Variants in CASD1 observed in about 807,000 individuals in gnomAD.
CASD1 encodes N-acetylneuraminate (7)9-O-acetyltransferase.
Under a neutral mutation model 100.0 loss-of-function variants are expected in CASD1, and 41 were observed. The observed-to-expected ratio is 0.41, with a 90% CI of 0.32 to 0.53. CASD1 has a LOEUF of 0.53. Among genes scored for constraint, CASD1 ranks in the 20% least tolerant of loss-of-function variants. The probability of loss-of-function intolerance (pLI) is 0.25; values close to 1 mark genes in which losing one functional copy is unlikely to be tolerated. For missense variants in CASD1, 774 were observed against 948.7 expected, an observed-to-expected ratio of 0.82 and a Z score of 2.42; for synonymous variants, 321 against 315.6, an observed-to-expected ratio of 1.02 and a Z score of -0.18.
chr7:94,533,564 A>G (rs1370329908), intron 6 of CASD1, 115 bp from the exon 7 acceptor site: 1 of 787,848 alleles, frequency 1.3e-6, no homozygotes, highest in African/African-American at 1.8e-5. Flanking sequence ...TTATTCTAAT[A>G]TTAAATAAAA....
At chr7:94,599,559 A>G in the CASD1 span, 1 of 738,694 alleles carries the variant, frequency 1.4e-6, no homozygotes, top group South Asian at 1.6e-5. Context: ...TCTATTTAGA[A>G]AGCAGCTTTC....
At chr7:94,585,263 T>G in the CASD1 span, 4 of 458,572 alleles carry the variant, frequency 8.7e-6, no homozygotes, top group Non-Finnish European at 1.6e-5. Context: ...AGATCAACTT[T>G]TATTGTAACA....
At chr7:94,570,515 G>A in the CASD1 span, among the ~76,000 whole-genome samples, 1 of 151,960 alleles carries the variant, frequency 6.6e-6, no homozygotes, top group Non-Finnish European at 1.5e-5. Flanking sequence ...TTGGCGGGGG[G>A]ATGGAGTCTC....
chr7:94,537,015 GAC>G (rs1795155799), intron 8 of CASD1, among the ~76,000 whole-genome samples: 1 of 151,928 alleles, frequency 6.6e-6, no homozygotes, highest in South Asian at 2.1e-4. Context: ...TTAAACAGTA[GAC>G]TTTATCTTAA....
At chr7:94,563,294 C>G in the CASD1 span, among the ~76,000 whole-genome samples, 14 of 152,148 alleles carry the variant, frequency 9.2e-5, no homozygotes, top group Non-Finnish European at 4.4e-5. Flanking sequence ...AGGCGTCTTC[C>G]ATGCAAGGGT....
the CASD1 span, among the ~76,000 whole-genome samples, chr7:94,572,503 A>G: frequency 6.6e-6 from 1 of 152,134 alleles, no homozygotes; most frequent in Admixed American, 6.5e-5. Context: ...TTTTCTTCAT[A>G]TGCTTGGCCA....
At chr7:94,618,675 C>A in the CASD1 span, 1 of 1,131,412 alleles carries the variant, frequency 8.8e-7, no homozygotes, top group Admixed American at 1.9e-5. Flanking sequence ...ATGCAATAGG[C>A]CATCTTCCAT....
the CASD1 span, among the ~76,000 whole-genome samples, chr7:94,605,647 A>G: frequency 6.6e-6 from 1 of 152,082 alleles, no homozygotes; most frequent in Admixed American, 6.5e-5. Flanking sequence ...AAACTCTAAG[A>G]CAATCAGTAA....
chr7:94,601,464 A>AAAAAAAC, the CASD1 span, among the ~76,000 whole-genome samples: 1 of 109,708 alleles, frequency 9.1e-6, no homozygotes, highest in East Asian at 2.4e-4. Flanking sequence ...AAAAAAAAAA[A>AAAAAAAC]AAAAAAAAAA....
At chr7:94,541,431 ATTATT>A (rs1366660436) in intron 10 of CASD1, among the ~76,000 whole-genome samples, 6 of 151,554 alleles carry the variant, frequency 4.0e-5, no homozygotes, top group East Asian at 1.9e-4. Flanking sequence ...TAGTGTAAAC[ATTATT>A]TTAAAGTATA....
chr7:94,608,039 T>C, the CASD1 span, among the ~76,000 whole-genome samples: 2 of 151,926 alleles, frequency 1.3e-5, no homozygotes, highest in Non-Finnish European at 2.9e-5. Context: ...CATGAACAGG[T>C]AGAACTTGAA....
the CASD1 span, among the ~76,000 whole-genome samples, chr7:94,574,745 C>T: frequency 2.2e-4 from 33 of 151,560 alleles, 1 homozygote; most frequent in East Asian, 2.9e-3. Context: ...CTGAGACGGA[C>T]GGATCATGAG....
the CASD1 span, chr7:94,587,887 G>T: frequency 5.5e-5 from 83 of 1,501,552 alleles, no homozygotes; most frequent in Non-Finnish European, 7.0e-5. Context: ...GAATGTGCCT[G>T]AAGTTTTTAA....
chr7:94,621,979 T>C, the CASD1 span: 1 of 152,198 alleles, frequency 6.6e-6, no homozygotes, highest in South Asian at 2.1e-4. Flanking sequence ...TTGTCTACAA[T>C]TGATACCGGT....
the CASD1 span, among the ~76,000 whole-genome samples, chr7:94,631,460 G>A: frequency 6.6e-6 from 1 of 151,872 alleles, no homozygotes; most frequent in Non-Finnish European, 1.5e-5. Flanking sequence ...AGGTAAAACT[G>A]CTTTGGCAAC....
chr7:94,559,243 C>T (rs1434487879), downstream of CASD1, among the ~76,000 whole-genome samples: 1 of 148,852 alleles, frequency 6.7e-6, no homozygotes, highest in East Asian at 2.0e-4. Flanking sequence ...CTAAATATAA[C>T]AATATTGGAA....
At position 94,509,813 on chromosome 7, in the gene CASD1, C is replaced by G; in HGVS notation, c.-272C>G. ...AAAGAGGAGGAGGAAGGGGAGGAGACAGGCGTCCAGGGCGCCTGGGGAACC... is the reference window on the plus strand; with the variant it reads ...AAAGAGGAGGAGGAAGGGGAGGAGAGAGGCGTCCAGGGCGCCTGGGGAACC... On this transcript the variant is annotated 5_prime_UTR_variant, in exon 1 of 18. Coordinates refer to ENST00000297273, the MANE Select transcript of CASD1 (RefSeq NM_022900.5). 2.0e-6 allele frequency: 2 copies of G among 994,990 alleles called. No individual in the cohort carries two copies. The highest frequency in any genetic ancestry group is 4.7e-5 in the South Asian group (1 of 21,316). 61.6% of individuals were successfully genotyped at this position (994,990 alleles called of 1,614,324 possible).
At chr7:94,585,691 A>T in the CASD1 span, among the ~76,000 whole-genome samples, 1 of 152,190 alleles carries the variant, frequency 6.6e-6, no homozygotes, top group Non-Finnish European at 1.5e-5. Flanking sequence ...AAAACAAAAG[A>T]AAAAATTCTA....
At chr7:94,605,543 CAG>C in the CASD1 span, among the ~76,000 whole-genome samples, 2 of 151,860 alleles carry the variant, frequency 1.3e-5, no homozygotes, top group African/African-American at 2.4e-5. Context: ...GAGGGAAAGA[CAG>C]GGATTATTTT....
Sources: gnomAD v4.1 joint callset for allele counts (sites outside exome capture counted in the v4.1 genomes callset) on GRCh38, gnomAD v4.1.1 for gene constraint, MANE v1.5 for transcripts, NCBI Gene and HGNC (gene_info 2026-07-23, HGNC 2026-07-21) for gene names.